FCRLB: variants seen among roughly 807,000 people sequenced by gnomAD.
FCRLB encodes the protein Fc receptor-like B.
A neutral mutation model predicts 33.6 loss-of-function variants in FCRLB; 34 were observed. That is an observed-to-expected ratio of 1.01 (90% CI 0.77 to 1.35). The LOEUF is 1.35. Among genes scored for constraint, FCRLB ranks in the 40% most tolerant of loss-of-function variants. The pLI, the probability that FCRLB is intolerant of heterozygous loss-of-function variation, is 0.00. For synonymous variants in FCRLB, 280 were observed against 255.9 expected (o/e 1.09, Z -0.90); for missense variants, 560 against 580.2 (o/e 0.97, Z 0.36).
exon 6 of FCRLB, chr1:161,725,978 G>A (rs1414003810): frequency 6.2e-7 from 1 of 1,614,246 alleles, no homozygotes; most frequent in South Asian, 1.1e-5. Flanking sequence ...ACTACACTGT[G>A]TTACAGGCGC....
At chr1:161,727,612 C>A (rs746522039) in exon 8 of FCRLB, 10 of 1,613,904 alleles carry the variant, frequency 6.2e-6, no homozygotes, top group African/African-American at 2.7e-5. Flanking sequence ...CCCCACCTCT[C>A]ACTTTGCTGT....
exon 8 of FCRLB, chr1:161,728,004 T>C (rs1683658414): frequency 4.5e-6 from 1 of 221,744 alleles, no homozygotes; most frequent in Non-Finnish European, 9.0e-6. Context: ...TTTAAGTACA[T>C]TGAGGTAACT....
rs189914946 is a variant in FCRLB, at chr1:161,727,412, G to T, written c.1031G>T (p.Ser344Ile). 1.9e-6 allele frequency: 3 copies of T among 1,613,212 alleles called. No homozygotes were observed. In the East Asian group the frequency reaches 6.7e-5, roughly 36 times the overall value. The change falls in exon 8 of 8, where the codon AGC becomes ATC. Residue 344 changes from serine to isoleucine, a missense_variant. By Grantham distance (142) the Ser-to-Ile change is moderately radical. Transcript: ENST00000367948. ...TCCACCGGGCTGCAGTTCCCGGCGA[G>T]CGGCGCCCCGACTGCGGGGCCACCC...
chr1:161,723,962 G>T (rs1160152696), intron 5 of FCRLB, among the ~76,000 whole-genome samples: 1 of 152,168 alleles, frequency 6.6e-6, no homozygotes, highest in African/African-American at 2.4e-5. Flanking sequence ...GAGCAGTAAA[G>T]GAAATTCACC....
intron 3 of FCRLB, 108 bp downstream of exon 3, chr1:161,722,811 C>G: frequency 6.6e-7 from 1 of 1,525,416 alleles, no homozygotes; most frequent in African/African-American, 1.4e-5. Context: ...CCAAGTGGTT[C>G]ATTATCTTTT....
intron 5 of FCRLB, among the ~76,000 whole-genome samples, chr1:161,724,690 G>C (rs1683483767): frequency 6.6e-6 from 1 of 152,338 alleles, no homozygotes; most frequent in South Asian, 2.1e-4. Flanking sequence ...ATTATACTGA[G>C]TACTATAGGA....
rs1393289487 is a variant in FCRLB, at chr1:161,723,453, T to TCCTGG, written c.139_140insCCTGG (p.Tyr47SerfsTer61). On this transcript the variant is annotated frameshift_variant, in exon 5 of 8. Transcript: ENST00000367948. LOFTEE classifies it high-confidence loss of function. ...GCGGGTAACTTTGAAGTGTGATGGA[T>TCCTGG]ACCACCCACTGCTCCTGGAGCTCCA... The TCCTGG allele has an allele frequency of 1.2e-6, 2 of 1,614,184 alleles. No homozygotes were observed. The highest frequency in any genetic ancestry group is 1.7e-6 in the Non-Finnish European group (2 of 1,180,048).
exon 8 of FCRLB, chr1:161,727,504 C>T (rs1219451548): frequency 1.2e-6 from 2 of 1,614,208 alleles, no homozygotes; most frequent in Admixed American, 1.7e-5. Flanking sequence ...GGACCTTCTG[C>T]TCCGAGAAAT....
In FCRLB at chr1:161,726,983, C is replaced by T. The variant is rs1159829164; in HGVS notation, c.855C>T (p.Leu285=). ...GGAAACGCAGTCCGTGGCTGCAGCT[C>T]CCGGGGCCGGGTGAGTGCCTGCACA... Residue 285 remains leucine, a synonymous_variant, in exon 7 of 8, where the codon CTC becomes CTT. Transcript: ENST00000367948. This position sits in a 1 kb window ranked among gnomAD's most constrained non-coding sequence, Gnocchi z 5.2. 3 of 1,523,052 alleles carry T rather than the reference C, an allele frequency of 2.0e-6. No homozygotes were observed. Among genetic ancestry groups the T allele is most frequent in the Non-Finnish European group, 2.6e-6 (3 of 1,135,380 alleles). 94.3% of individuals were successfully genotyped at this position (1,523,052 alleles called of 1,614,324 possible).
intron 3 of FCRLB, 22 bp downstream of exon 3, chr1:161,722,725 AG>A: frequency 6.2e-7 from 1 of 1,613,698 alleles, no homozygotes. Context: ...GTGAGGCAGC[AG>A]AAGAGCTTTG....
At chr1:161,723,869 G>T (rs948822309) in intron 5 of FCRLB, among the ~76,000 whole-genome samples, 17 of 152,192 alleles carry the variant, frequency 1.1e-4, no homozygotes, top group African/African-American at 1.9e-4. Context: ...GAACATTTCT[G>T]TTTGTTTCTG....
rs1169715912 is a variant in FCRLB at position 161,726,827 on chromosome 1, G to C, written c.699G>C (p.Gln233His). ...CGCAGAAGCGCGACACGCCGCTGCA[G>C]TTCGCGTTTTACAAGTACAGCCGCG... The change falls in exon 7 of 8, where the codon CAG becomes CAC. Residue 233 changes from glutamine (Q) to histidine (H), a missense_variant. Physicochemically the swap from Gln to His is conservative, Grantham distance 24. Transcript: ENST00000367948. The surrounding 1 kb of genome is among the most constrained non-coding windows in gnomAD (Gnocchi z 5.2). The C allele has an allele frequency of 1.3e-6, 2 of 1,570,930 alleles. No homozygotes were observed. The highest frequency in any genetic ancestry group is 3.7e-5 in the Admixed American group (2 of 54,416).
At chr1:161,727,403 TCCCGGCGAGCGGCGC>T (rs1416323437) in exon 8 of FCRLB, 1 of 1,613,084 alleles carries the variant, frequency 6.2e-7, no homozygotes, top group Non-Finnish European at 8.5e-7. Context: ...GGGCTGCAGT[TCCCGGCGAGCGGCGC>T]CCCGACTGCG....
At chr1:161,727,699 C>T (rs750303164) in exon 8 of FCRLB, 11 of 1,533,450 alleles carry the variant, frequency 7.2e-6, no homozygotes, top group Non-Finnish European at 9.6e-6. Context: ...GCTCATTCCT[C>T]CTTGGTCTCC....
intron 2 of FCRLB, among the ~76,000 whole-genome samples, chr1:161,722,132 T>C (rs905592): frequency 0.69 from 104,854 of 151,888 alleles, 38,099 homozygotes; most frequent in Admixed American, 0.82. Context: ...GTCTACTCAT[T>C]GTGGCAGGAT....
chr1:161,722,180 C>G (rs1294467130), intron 2 of FCRLB, among the ~76,000 whole-genome samples: 1 of 152,164 alleles, frequency 6.6e-6, no homozygotes, highest in African/African-American at 2.4e-5. Context: ...ACTGACCTCT[C>G]TAGGTCTCAT....
At position 161,726,006 on chromosome 1, in the gene FCRLB, C is replaced by A. The variant is rs771585082; in HGVS notation, c.493C>A (p.Arg165Ser). The change falls in exon 6 of 8, where the codon CGC becomes AGC. Residue 165 changes from arginine to serine, a missense_variant. Transcript: ENST00000367948. This position sits in a 1 kb window ranked among gnomAD's most constrained non-coding sequence, Gnocchi z 5.2. ...ACAGGCGCGTGCCAGCGACAGCGGG[C>A]GCTACCAGTGCTCGGGCACCATGCG... 10 of 1,614,014 alleles carry A rather than the reference C, an allele frequency of 6.2e-6. No individual in the cohort carries two copies. The highest frequency in any genetic ancestry group is 1.6e-4 in the Middle Eastern group (1 of 6,082).
Position 161,724,799 on chromosome 1 carries a change from G to A in FCRLB, c.308-1022G>A, listed in dbSNP as rs551915750. On this transcript the variant is annotated intron_variant, in intron 5 of 7. Coordinates refer to ENST00000367948, the Ensembl canonical transcript of FCRLB. The stretch of plus-strand genomic sequence containing the variant: ...ACACCTAAAATGGCATCTGCTCTGT[G>A]CTAGGGCTATGTAAGCGTGCTATAA... 7.2e-5 allele frequency among the ~76,000 whole-genome samples: 11 copies of A among 152,274 alleles called. No individual in the cohort carries two copies. In the South Asian group the frequency reaches 2.3e-3, roughly 32 times the overall value.
At chr1:161,725,938 A>G in exon 6 of FCRLB, 1 of 1,614,264 alleles carries the variant, frequency 6.2e-7, no homozygotes, top group Non-Finnish European at 8.5e-7. Context: ...CACGACGGCC[A>G]GGCCGTGCGC....
Sources: allele counts gnomAD v4.1 joint callset (sites outside exome capture counted in the v4.1 genomes callset), GRCh38; gene constraint gnomAD v4.1.1; non-coding constraint Gnocchi (gnomAD v3.1); transcripts MANE v1.5; gene names NCBI Gene and HGNC (gene_info 2026-07-23, HGNC 2026-07-21).